The following MSRA variants were observed in gnomAD, a reference collection of about 807,000 sequenced individuals.
MSRA encodes the protein methionine sulfoxide reductase A.
Under a neutral mutation model 31.3 loss-of-function variants are expected in MSRA, and 54 were observed. That is an observed-to-expected ratio of 1.73 (90% CI 1.39 to 2.17). The LOEUF (loss-of-function observed/expected upper bound fraction) is 2.17. Among genes scored for constraint, MSRA ranks in the 30% most tolerant of loss-of-function variants. MSRA has a pLI of 0.00. For synonymous variants in MSRA, 169 were observed against 116.5 expected, an observed-to-expected ratio of 1.45 and a Z score of -2.90; for missense variants, 507 against 300.9, an observed-to-expected ratio of 1.69 and a Z score of -5.07.
chr8:10,123,615 T>C (rs1246462164), intron 1 of MSRA, among the ~76,000 whole-genome samples: 1 of 152,180 alleles, frequency 6.6e-6, no homozygotes, highest in Non-Finnish European at 1.5e-5. Flanking sequence ...CAGGGCAGTA[T>C]AGGTTGTCTT....
chr8:10,054,643 C>G lies in MSRA; in HGVS notation c.127C>G (p.Gln43Glu), dbSNP rs778639208. The change falls in exon 1 of 6, where the codon CAG becomes GAG. Residue 43 changes from glutamine (Q) to glutamate (E), a missense_variant. Transcript: ENST00000317173. ...GGAGGCCTTGCCGGGCCGGAAGGAA[C>G]AGACCCCTGTAGCGGGTAAGCACTG... The part of the protein sequence containing the change: ...PQEALPGRKE[Q>E]TPVAAKHHVN... 26 of 1,571,180 alleles carry G rather than the reference C, an allele frequency of 1.7e-5. No homozygotes were observed. Among genetic ancestry groups the G allele is most frequent in the Admixed American group, 3.6e-5 (2 of 55,148 alleles).
At chr8:10,404,212 C>T (rs906231198) in intron 5 of MSRA, among the ~76,000 whole-genome samples, 3 of 152,090 alleles carry the variant, frequency 2.0e-5, no homozygotes, top group Admixed American at 2.0e-4. Flanking sequence ...GAAAGTGAGA[C>T]GGTGCTGCTC....
intron 1 of MSRA, among the ~76,000 whole-genome samples, chr8:10,176,216 G>A (rs1806036544): frequency 6.6e-6 from 1 of 152,234 alleles, no homozygotes; most frequent in African/African-American, 2.4e-5. Context: ...AATTCAGGAT[G>A]AGAACTGAAG....
At chr8:10,148,178 C>G (rs1293791121) in intron 1 of MSRA, among the ~76,000 whole-genome samples, 1 of 152,174 alleles carries the variant, frequency 6.6e-6, no homozygotes, top group African/African-American at 2.4e-5. Flanking sequence ...TATTCTATTT[C>G]TGGAAACGCA....
At chr8:10,226,110 G>A (rs1273752737) in intron 2 of MSRA, among the ~76,000 whole-genome samples, 2 of 152,140 alleles carry the variant, frequency 1.3e-5, no homozygotes, top group East Asian at 1.9e-4. Context: ...AGGGAACCAC[G>A]GCTTCTAGTG....
intron 1 of MSRA, among the ~76,000 whole-genome samples, chr8:10,168,674 A>T (rs1437352398): frequency 6.6e-6 from 1 of 152,098 alleles, no homozygotes; most frequent in Non-Finnish European, 1.5e-5. Context: ...CTAGTAAGTG[A>T]CTCAGCTGGG....
At chr8:10,066,315 C>G (rs1297349488) in intron 1 of MSRA, among the ~76,000 whole-genome samples, 4 of 152,176 alleles carry the variant, frequency 2.6e-5, no homozygotes, top group Non-Finnish European at 5.9e-5. Flanking sequence ...AAAGTTTGAT[C>G]TGTACATTTT....
chr8:10,347,137 T>A (rs533833520), intron 5 of MSRA, among the ~76,000 whole-genome samples: 1 of 152,326 alleles, frequency 6.6e-6, no homozygotes, highest in Admixed American at 6.5e-5. Context: ...TCCCTTTTGG[T>A]CCAAACACTC....
chr8:10,106,824 C>T (rs1470670535), intron 1 of MSRA, among the ~76,000 whole-genome samples: 1 of 151,962 alleles, frequency 6.6e-6, no homozygotes, highest in African/African-American at 2.4e-5. Context: ...CACCCACCTA[C>T]CTACCCACTC....
At position 10,245,123 on chromosome 8, in the gene MSRA, A is replaced by C; in HGVS notation, c.231A>C (p.Gly77=). Residue 77 remains glycine (G), a synonymous_variant, in exon 3 of 6, where the codon GGA becomes GGC. Transcript: ENST00000317173. ...MAVFGMGCFW[G]AERKFWVLKG... is the part of the protein sequence containing the mutation. The stretch of plus-strand genomic sequence containing the variant: ...TTTAAGGAATGGGATGTTTCTGGGG[A>C]GCTGAAAGGAAATTCTGGGTCTTGA... 1 of 1,610,256 alleles carries C rather than the reference A, an allele frequency of 6.2e-7. No individual in the cohort carries two copies. The highest frequency in any genetic ancestry group is 8.5e-7 in the Non-Finnish European group (1 of 1,179,050).
intron 5 of MSRA, among the ~76,000 whole-genome samples, chr8:10,417,525 G>A (rs1054194965): frequency 1.3e-5 from 2 of 151,956 alleles, no homozygotes; most frequent in Admixed American, 6.6e-5. Flanking sequence ...TGGCTGAACC[G>A]CAGGAGGTGG....
intron 5 of MSRA, among the ~76,000 whole-genome samples, chr8:10,397,314 C>T (rs17766353): frequency 0.09 from 13,757 of 152,206 alleles, 745 homozygotes; most frequent in Non-Finnish European, 0.14. Context: ...AGTATTGACC[C>T]TGGTACTTTG....
chr8:10,073,136 A>G (rs187720285), intron 1 of MSRA, among the ~76,000 whole-genome samples: 1 of 152,096 alleles, frequency 6.6e-6, no homozygotes, highest in East Asian at 1.9e-4. Context: ...ATCTGTGGAT[A>G]TTTCCCTAGC....
intron 1 of MSRA, among the ~76,000 whole-genome samples, chr8:10,074,443 G>A (rs1797897354): frequency 6.6e-6 from 1 of 152,000 alleles, no homozygotes; most frequent in Non-Finnish European, 1.5e-5. Flanking sequence ...TGAAAAGAGT[G>A]GGATGAAGTA....
intron 5 of MSRA, chr8:10,337,104 A>T (rs1018359286): frequency 6.6e-6 from 1 of 152,152 alleles, no homozygotes; most frequent in African/African-American, 2.4e-5. Context: ...TAAACTCACA[A>T]ACCCCTCCTG....
intron 1 of MSRA, among the ~76,000 whole-genome samples, chr8:10,061,675 A>G (rs908744514): frequency 6.6e-6 from 1 of 152,110 alleles, no homozygotes; most frequent in African/African-American, 2.4e-5. Context: ...CCTGAGAACA[A>G]AGACCAGAAA....
chr8:10,378,492 C>G (rs536594314), intron 5 of MSRA, among the ~76,000 whole-genome samples: 1 of 152,320 alleles, frequency 6.6e-6, no homozygotes, highest in Admixed American at 6.5e-5. Flanking sequence ...TCTCCAGTGA[C>G]CTTGCTGAGT....
intron 2 of MSRA, among the ~76,000 whole-genome samples, chr8:10,239,986 G>A (rs575612984): frequency 9.2e-5 from 14 of 152,258 alleles, no homozygotes; most frequent in African/African-American, 2.2e-4. Context: ...TCCTGGTGAC[G>A]TGCAGTAAAA....
intron 2 of MSRA, among the ~76,000 whole-genome samples, chr8:10,215,824 C>A (rs892509961): frequency 6.6e-6 from 1 of 152,182 alleles, no homozygotes; most frequent in Non-Finnish European, 1.5e-5. Flanking sequence ...TGTACAGCAA[C>A]CACCCACTTG....
Sources: allele counts gnomAD v4.1 joint callset (sites outside exome capture counted in the v4.1 genomes callset), GRCh38; gene constraint gnomAD v4.1.1; transcripts MANE v1.5; gene names NCBI Gene and HGNC (gene_info 2026-07-23, HGNC 2026-07-21).